The following MRE11 variants were observed in gnomAD, a reference collection of about 807,000 sequenced individuals.
The protein encoded by MRE11 is MRE11 double strand break repair nuclease.
In MRE11, 62 loss-of-function variants were observed where a neutral mutation model predicts 91.7. The ratio of observed to expected loss-of-function variants is 0.68; its 90% CI spans 0.55 to 0.84. MRE11 has a LOEUF of 0.84. MRE11 is among the 40% of genes least tolerant of loss of function. The pLI is 0.00. For missense variants in MRE11, 796 were observed against 852.9 expected (o/e 0.93, Z 0.83); for synonymous variants, 273 against 271.4 (o/e 1.01, Z -0.06).
chr11:94,420,926 G>A (rs1343904417), intron 19 of MRE11, among the ~76,000 whole-genome samples: 2 of 152,092 alleles, frequency 1.3e-5, no homozygotes, highest in African/African-American at 4.8e-5. Context: ...CAGCTACTCG[G>A]GAGGCTGAGG....
chr11:94,432,531 G>A (rs1013852738), intron 18 of MRE11, among the ~76,000 whole-genome samples: 7 of 152,182 alleles, frequency 4.6e-5, no homozygotes, highest in African/African-American at 1.4e-4. Context: ...TATCTGGGAC[G>A]AGCACGGTGG....
chr11:94,426,267 C>A (rs1456621563), intron 19 of MRE11, among the ~76,000 whole-genome samples: 1 of 151,852 alleles, frequency 6.6e-6, no homozygotes, highest in Non-Finnish European at 1.5e-5. Flanking sequence ...TAAAAAAATT[C>A]TTTGAAATTA....
chr11:94,454,639 T>C (rs1396680968), intron 14 of MRE11, among the ~76,000 whole-genome samples: 2 of 152,172 alleles, frequency 1.3e-5, no homozygotes, highest in Non-Finnish European at 1.5e-5. Flanking sequence ...AAAATATAGC[T>C]GAATATCTGA....
intron 18 of MRE11, among the ~76,000 whole-genome samples, chr11:94,435,243 AAC>A (rs1255674377): frequency 1.3e-5 from 2 of 152,208 alleles, no homozygotes; most frequent in African/African-American, 2.4e-5. Context: ...ATTTGGAGAG[AAC>A]ACAGTCTTCC....
At chr11:94,437,123 A>G in intron 17 of MRE11, 54 bp downstream of exon 17, 3 of 1,453,046 alleles carry the variant, frequency 2.1e-6, no homozygotes, top group Non-Finnish European at 2.9e-6. Context: ...TTGACAATTC[A>G]TAATGCAGAA....
At chr11:94,509,478 C>T in the MRE11 span, among the ~76,000 whole-genome samples, 1 of 151,978 alleles carries the variant, frequency 6.6e-6, no homozygotes, top group African/African-American at 2.4e-5. Flanking sequence ...GAGTCTTGCT[C>T]TGTTGCCAGG....
intron 14 of MRE11, among the ~76,000 whole-genome samples, chr11:94,451,907 G>A (rs1946116365): frequency 6.6e-6 from 1 of 152,084 alleles, no homozygotes; most frequent in South Asian, 2.1e-4. Context: ...AAATCAATTA[G>A]AGAAAGACCA....
At chr11:94,428,832 C>T (rs1945391104) in intron 19 of MRE11, among the ~76,000 whole-genome samples, 1 of 151,890 alleles carries the variant, frequency 6.6e-6, no homozygotes, top group Non-Finnish European at 1.5e-5. Context: ...CATTGCACTC[C>T]AGCCCAGGCA....
chr11:94,447,351 C>A lies in MRE11; in HGVS notation c.1651G>T (p.Ala551Ser). 1 of 1,614,092 alleles carries A rather than the reference C, an allele frequency of 6.2e-7. No individual in the cohort carries two copies. The stretch of plus-strand genomic sequence containing the variant: ...TCAGAGTCATTAGCCATCTGTTCTG[C>A]TAAATCTATACTCATAAGGTCATCA... ...SADDLMSIDL[A>S]EQMANDSDDS... Residue 551 changes from alanine (A) to serine (S), a missense_variant, in exon 15 of 20, where the codon GCA becomes TCA. Transcript: ENST00000323929.
chr11:94,474,600 G>A (rs1006291062), intron 7 of MRE11, among the ~76,000 whole-genome samples: 6 of 152,122 alleles, frequency 3.9e-5, no homozygotes, highest in Non-Finnish European at 7.4e-5. Flanking sequence ...TAAAATTAGC[G>A]AGTAAAAGTT....
intron 14 of MRE11, among the ~76,000 whole-genome samples, chr11:94,449,181 A>G (rs1946027119): frequency 6.6e-6 from 1 of 152,218 alleles, no homozygotes; most frequent in African/African-American, 2.4e-5. Flanking sequence ...CAAGGCAGGC[A>G]GCATAAAGTG....
rs104895005 is a variant in MRE11, at chr11:94,418,349, G to A, written c.*1776C>T. The stretch of plus-strand genomic sequence containing the variant: ...ACTTTCCTTAGCGGTGAACTGAATC[G>A]CATTTAGTACCTCTTTTCACAGCCA... On this transcript the variant is annotated 3_prime_UTR_variant, in exon 20 of 20. Transcript: ENST00000323929. 2.2e-5 allele frequency: 5 copies of A among 232,088 alleles called. No individual in the cohort carries two copies. The highest frequency in any genetic ancestry group is 4.2e-5 in the Non-Finnish European group (5 of 117,742). The allele number at this position is 232,088 out of a possible 1,614,324, so 14.4% of individuals were successfully genotyped here. A position where few individuals can be genotyped will look rare whatever the true frequency, so the allele number is the denominator to read the frequency against.
chr11:94,496,514 T>G, upstream of MRE11: 2 of 565,870 alleles, frequency 3.5e-6, no homozygotes, highest in South Asian at 2.8e-5. Flanking sequence ...TTAGACAGGG[T>G]TTAATTGTAT....
intron 19 of MRE11, among the ~76,000 whole-genome samples, chr11:94,423,966 G>T (rs1408422069): frequency 1.3e-5 from 2 of 152,174 alleles, no homozygotes; most frequent in African/African-American, 4.8e-5. Context: ...GTCTGGGAAG[G>T]GTGTGGCCTG....
chr11:94,464,002 C>G, intron 11 of MRE11, 111 bp downstream of exon 11: 1 of 1,196,936 alleles, frequency 8.4e-7, no homozygotes, highest in Non-Finnish European at 1.2e-6. Flanking sequence ...TTGTTTAAGA[C>G]ATTACAATCA....
chr11:94,454,022 T>C (rs1018651271), intron 14 of MRE11, among the ~76,000 whole-genome samples: 7 of 151,746 alleles, frequency 4.6e-5, no homozygotes, highest in African/African-American at 1.5e-4. Flanking sequence ...TATTCAAATA[T>C]GAATTTATCA....
chr11:94,483,965 C>A (rs1056229254), intron 4 of MRE11: 1 of 152,150 alleles, frequency 6.6e-6, no homozygotes, highest in African/African-American at 2.4e-5. Context: ...AGCAACAATA[C>A]AATAGTAATG....
At chr11:94,460,069 G>C (rs1476619597) in intron 12 of MRE11, among the ~76,000 whole-genome samples, 2 of 152,110 alleles carry the variant, frequency 1.3e-5, no homozygotes, top group Non-Finnish European at 2.9e-5. Context: ...CTGGGGAAAT[G>C]GTTAGAGAGA....
chr11:94,424,997 G>A (rs1945273057), intron 19 of MRE11, among the ~76,000 whole-genome samples: 1 of 152,060 alleles, frequency 6.6e-6, no homozygotes, highest in South Asian at 2.1e-4. Context: ...GAAATACAGA[G>A]AATTCCTATC....
Sources: gnomAD v4.1 joint callset for allele counts (sites outside exome capture counted in the v4.1 genomes callset) on GRCh38, gnomAD v4.1.1 for gene constraint, MANE v1.5 for transcripts, NCBI Gene and HGNC (gene_info 2026-07-23, HGNC 2026-07-21) for gene names.